Variants in WDPCP observed in about 807,000 individuals in gnomAD.
WDPCP encodes WD repeat containing planar cell polarity effector.
In WDPCP, 71 loss-of-function variants were observed where a neutral mutation model predicts 93.1. The ratio of observed to expected loss-of-function variants is 0.76; its 90% confidence interval spans 0.63 to 0.93. The LOEUF (loss-of-function observed/expected upper bound fraction) is 0.93. Among genes scored for constraint, WDPCP ranks in the 40% least tolerant of loss-of-function variants. The probability of loss-of-function intolerance (pLI) is 0.00; values close to 1 mark genes in which losing one functional copy is unlikely to be tolerated. For synonymous variants in WDPCP, 315 were observed against 315.0 expected (o/e 1.00, Z 0.00); for missense variants, 844 against 887.4 (o/e 0.95, Z 0.62).
intron 17 of WDPCP, among the ~76,000 whole-genome samples, chr2:63,142,583 T>G (rs1184159963): frequency 1.8e-4 from 28 of 152,180 alleles, no homozygotes; most frequent in Admixed American, 1.8e-3. Context: ...GAAAGTTCCA[T>G]GCACTGTGTG....
At chr2:63,835,118 G>A in the WDPCP span, among the ~76,000 whole-genome samples, 2 of 151,584 alleles carry the variant, frequency 1.3e-5, no homozygotes, top group Non-Finnish European at 2.9e-5. Flanking sequence ...CAGGCGTCAT[G>A]GCTCAAACTT....
chr2:63,187,935 C>T (rs891306939), intron 14 of WDPCP, among the ~76,000 whole-genome samples: 1 of 152,154 alleles, frequency 6.6e-6, no homozygotes, highest in Non-Finnish European at 1.5e-5. Context: ...GTCTTCATTT[C>T]TTCTTCATTT....
chr2:63,137,091 G>A (rs573912842), intron 17 of WDPCP, among the ~76,000 whole-genome samples: 61 of 152,244 alleles, frequency 4.0e-4, no homozygotes, highest in Non-Finnish European at 6.8e-4. Flanking sequence ...GGATTGCTGG[G>A]TCAAATGGCA....
intron 14 of WDPCP, among the ~76,000 whole-genome samples, chr2:63,251,665 G>C (rs1249057293): frequency 6.6e-6 from 1 of 151,484 alleles, no homozygotes; most frequent in East Asian, 2.0e-4. Context: ...CTAATTTTTT[G>C]TATTTTTAGT....
At chr2:63,725,041 T>G (rs1300480512) in intron 2 of WDPCP, among the ~76,000 whole-genome samples, 3 of 152,238 alleles carry the variant, frequency 2.0e-5, no homozygotes, top group African/African-American at 7.2e-5. Flanking sequence ...CAGCCAGTTT[T>G]TTTTCTTTCC....
chr2:63,709,135 AG>A lies in WDPCP; in HGVS notation n.309-58298del, dbSNP rs1669221524. 3.5e-5 allele frequency among the ~76,000 whole-genome samples: 2 copies of A among 57,392 alleles called. 1 individual carries two copies. The highest frequency in any genetic ancestry group is 1.8e-4 in the African/African-American group (2 of 10,976). The allele number at this position is 57,392 out of a possible 152,430, so 37.7% of individuals were successfully genotyped here. ...GTAATCCCAGATACTAGGTAGGCTG[AG>A]GCCAGAGAATCACTTGAACCCTGGA... On this transcript the variant is annotated intron_variant and non_coding_transcript_variant, in intron 2 of 4. Coordinates refer to the WDPCP transcript ENST00000467687.
intron 3 of WDPCP, among the ~76,000 whole-genome samples, chr2:63,617,479 C>A (rs1332317831): frequency 6.6e-6 from 1 of 152,092 alleles, no homozygotes; most frequent in Non-Finnish European, 1.5e-5. Flanking sequence ...ACATAGGAGT[C>A]CCACAGATAT....
intron 2 of WDPCP, among the ~76,000 whole-genome samples, chr2:63,770,708 C>T (rs1269353029): frequency 6.6e-6 from 1 of 151,752 alleles, no homozygotes; most frequent in Non-Finnish European, 1.5e-5. Context: ...ATTTTTATAA[C>T]AATAATAATA....
At chr2:63,257,087 A>G (rs1681214149) in intron 14 of WDPCP, among the ~76,000 whole-genome samples, 1 of 152,158 alleles carries the variant, frequency 6.6e-6, no homozygotes, top group Admixed American at 6.6e-5. Context: ...AAAAGTTTAA[A>G]AAATTACCAA....
intron 13 of WDPCP, among the ~76,000 whole-genome samples, chr2:63,275,239 A>G (rs1000508859): frequency 6.6e-6 from 1 of 152,188 alleles, no homozygotes; most frequent in Non-Finnish European, 1.5e-5. Flanking sequence ...ATAAAATTCA[A>G]TATCCATTCC....
intron 2 of WDPCP, chr2:63,717,188 C>T (rs568176486): frequency 4.4e-6 from 2 of 454,962 alleles, no homozygotes; most frequent in African/African-American, 2.0e-5. Flanking sequence ...TGTATTCTTG[C>T]TGTCCAGCAT....
At chr2:63,168,212 C>T (rs944395504) in intron 15 of WDPCP, among the ~76,000 whole-genome samples, 1 of 150,080 alleles carries the variant, frequency 6.7e-6, no homozygotes, top group Non-Finnish European at 1.5e-5. Flanking sequence ...ATAAAGGTGA[C>T]TTCTATATTA....
At chr2:63,614,830 C>T (rs1709655833) in intron 3 of WDPCP, among the ~76,000 whole-genome samples, 1 of 152,140 alleles carries the variant, frequency 6.6e-6, no homozygotes, top group Non-Finnish European at 1.5e-5. Flanking sequence ...CTAGGTTTCT[C>T]CCCTCAGTTG....
intron 2 of WDPCP, among the ~76,000 whole-genome samples, chr2:63,712,518 G>A (rs112579631): frequency 0.017 from 2,568 of 152,242 alleles, 23 homozygotes; most frequent in African/African-American, 0.018. Flanking sequence ...CCTGGGATAA[G>A]GAGAGATTGA....
chr2:63,599,278 C>T (rs1183532328), intron 3 of WDPCP: 6 of 1,611,866 alleles, frequency 3.7e-6, no homozygotes, highest in South Asian at 1.1e-5. Context: ...GGATCACAAC[C>T]GAGCTAAAGC....
intron 3 of WDPCP, among the ~76,000 whole-genome samples, chr2:63,618,557 C>T (rs1179867445): frequency 6.6e-6 from 1 of 152,106 alleles, no homozygotes; most frequent in African/African-American, 2.4e-5. Context: ...CACGCTGGAA[C>T]GATTTCTTAT....
rs1669732921 is a variant in WDPCP, at chr2:63,124,099, T to G, written c.2191-2043A>C. On this transcript the variant is annotated intron_variant, in intron 17 of 17. Transcript: ENST00000272321. ...CTATGATAGATAGGCATGAAGTTTT[T>G]TTTTTTTTTTCTGTTTGTAGGATTA... Among the ~76,000 whole-genome samples the G allele has an allele frequency of 2.0e-5, 3 of 151,840 alleles. No homozygotes were observed. In the South Asian group the frequency reaches 6.2e-4, roughly 31 times the overall value.
chr2:63,217,347 T>C (rs1178019689), intron 14 of WDPCP, among the ~76,000 whole-genome samples: 2 of 152,252 alleles, frequency 1.3e-5, no homozygotes, highest in African/African-American at 2.4e-5. Flanking sequence ...AGAAACTGTG[T>C]GGCCCACAAA....
chr2:63,704,311 C>T (rs1028151337), intron 2 of WDPCP, among the ~76,000 whole-genome samples: 1 of 152,128 alleles, frequency 6.6e-6, no homozygotes, highest in Non-Finnish European at 1.5e-5. Flanking sequence ...TGCCTGATTG[C>T]CCTGGCCAGA....
Sources: allele counts gnomAD v4.1 joint callset (sites outside exome capture counted in the v4.1 genomes callset), GRCh38; gene constraint gnomAD v4.1.1; transcripts MANE v1.5; gene names NCBI Gene and HGNC (gene_info 2026-07-23, HGNC 2026-07-21).